MROH2A: variants seen among roughly 807,000 people sequenced by gnomAD.
MROH2A encodes the protein maestro heat like repeat family member 2A.
Under a neutral mutation model 200.4 loss-of-function variants are expected in MROH2A, and 174 were observed. The observed-to-expected ratio is 0.87, with a 90% CI of 0.77 to 0.98. The LOEUF (loss-of-function observed/expected upper bound fraction) is 0.98, where lower values mean the gene tolerates loss of function less well. Among genes scored for constraint, MROH2A ranks in the 50% least tolerant of loss-of-function variants. The probability of loss-of-function intolerance (pLI) is 0.00; values close to 1 mark genes in which losing one functional copy is unlikely to be tolerated. For synonymous variants in MROH2A, 829 were observed against 840.4 expected (o/e 0.99, Z 0.23); for missense variants, 2,045 against 2,139.6 (o/e 0.96, Z 0.87).
chr2:233,809,383 G>C, intron 22 of MROH2A, 105 bp downstream of exon 22: 1 of 1,293,532 alleles, frequency 7.7e-7, no homozygotes, highest in East Asian at 2.6e-5. Flanking sequence ...GGGACATCCA[G>C]GCATCTTACC....
intron 3 of MROH2A, among the ~76,000 whole-genome samples, chr2:233,782,801 G>T (rs1039478072): frequency 2.0e-5 from 3 of 152,112 alleles, no homozygotes; most frequent in Non-Finnish European, 4.4e-5. Flanking sequence ...CAGATTTTAG[G>T]AACAAGGCTT....
chr2:233,813,774 T>A lies in MROH2A; in HGVS notation c.2756T>A (p.Ile919Asn). 6.5e-7 allele frequency: 1 copy of A among 1,528,284 alleles called. No homozygotes were observed. The highest frequency in any genetic ancestry group is 8.9e-7 in the Non-Finnish European group (1 of 1,126,870). 94.7% of individuals were successfully genotyped at this position (1,528,284 alleles called of 1,614,324 possible). Residue 919 changes from isoleucine to asparagine, a missense_variant, in exon 25 of 42, where the codon ATT becomes AAT. This residue lies in a region of MROH2A where 1,201 missense variants were observed against 1,311.3 expected (regional missense o/e 0.92). Transcript: ENST00000389758. ...LQLPGEDNESIKTLYANALSS... is the reference protein window; with the variant it reads ...LQLPGEDNESNKTLYANALSS... ...CTCCCAGGAGAGGACAATGAGTCCA[T>A]TAAGGTAGGTCCCTCTGGGATGCCT...
intron 26 of MROH2A, among the ~76,000 whole-genome samples, chr2:233,815,758 G>A (rs532034429): frequency 2.2e-4 from 33 of 149,940 alleles, no homozygotes; most frequent in Non-Finnish European, 4.6e-4. Flanking sequence ...TTTGCCTATG[G>A]TACACCAATA....
At chr2:233,801,788 C>T (rs1447097476) in intron 14 of MROH2A, among the ~76,000 whole-genome samples, 3 of 152,178 alleles carry the variant, frequency 2.0e-5, no homozygotes, top group Non-Finnish European at 4.4e-5. Context: ...CAAAACTGAC[C>T]GTCATACCAG....
chr2:233,809,392 C>A (rs1703009134), intron 22 of MROH2A, 114 bp downstream of exon 22: 18 of 1,171,340 alleles, frequency 1.5e-5, no homozygotes, highest in Non-Finnish European at 2.2e-5. Context: ...AGGCATCTTA[C>A]CTGATGCCCA....
chr2:233,794,542 G>A, intron 8 of MROH2A, 36 bp downstream of exon 8: 1 of 1,200,646 alleles, frequency 8.3e-7, no homozygotes, highest in Non-Finnish European at 1.2e-6. Flanking sequence ...TGGGCAGGAG[G>A]CTTAGGGAAT....
chr2:233,795,333 C>T (rs970535350), intron 8 of MROH2A, among the ~76,000 whole-genome samples: 2 of 152,130 alleles, frequency 1.3e-5, no homozygotes, highest in African/African-American at 4.8e-5. Flanking sequence ...AGGGATGTGA[C>T]TGATTTAGGA....
intron 18 of MROH2A, 113 bp downstream of exon 18, chr2:233,804,660 G>C (rs774344693): frequency 8.7e-5 from 80 of 922,944 alleles, no homozygotes; most frequent in Middle Eastern, 4.6e-4. Flanking sequence ...TAAAGGACAT[G>C]TTCTCCTTCT....
intron 33 of MROH2A, 62 bp from the exon 34 acceptor site, chr2:233,822,819 A>G: frequency 6.5e-7 from 1 of 1,532,022 alleles, no homozygotes; most frequent in Non-Finnish European, 8.8e-7. Context: ...AGATTGCAGC[A>G]GCCTCCCCAG....
At chr2:233,826,079 C>T (rs1287483652) in intron 35 of MROH2A, among the ~76,000 whole-genome samples, 1 of 152,038 alleles carries the variant, frequency 6.6e-6, no homozygotes, top group Admixed American at 6.6e-5. Context: ...CATGTGCCAC[C>T]ACACCCAGCT....
In MROH2A at chr2:233,799,782, G is replaced by A. The variant is rs13013882; in HGVS notation, c.1332G>A (p.Val444=). 1,203,360 of 1,549,982 alleles carry A rather than the reference G, an allele frequency of 0.78. 474,703 individuals are homozygous for A. The highest frequency in any genetic ancestry group is 0.81 in the Non-Finnish European group (933,156 of 1,146,842). ...KNTISDTRSK[V]RMAILHIIGQ... is the part of the protein sequence containing the mutation. ...TGTCCACGGTCCTGTCCCCTCAGGT[G>A]AGGATGGCTATTCTCCACATCATTG... is the stretch of plus-strand genomic sequence containing the variant. The change falls in exon 13 of 42, where the codon GTG becomes GTA. Residue 444 remains valine, a splice_region_variant and synonymous_variant. Transcript: ENST00000389758.
rs1345568085 is a variant in MROH2A at position 233,798,826 on chromosome 2, C to G, written c.1305C>G (p.Asn435Lys). Reference protein sequence around the residue: ...AIYLAIRVVKNTISDTRSKVR... With the variant: ...AIYLAIRVVKKTISDTRSKVR... ...ACCTGGCTATCCGGGTAGTCAAGAACACCATCTCTGATACCCGGTCCAAGG... is the reference window on the plus strand; with the variant it reads ...ACCTGGCTATCCGGGTAGTCAAGAAGACCATCTCTGATACCCGGTCCAAGG... Residue 435 changes from asparagine (N) to lysine (K), a missense_variant, in exon 12 of 42, where the codon AAC (asparagine) becomes AAG (lysine). Physicochemically the swap from Asn to Lys is moderately conservative, Grantham distance 94. Around this residue, in one of 3 missense-constraint regions of MROH2A, gnomAD observed 831 missense variants for 800.0 expected, o/e 1.04. Transcript: ENST00000389758. 7 of 1,550,334 alleles carry G rather than the reference C, an allele frequency of 4.5e-6. No homozygotes were observed. The Admixed American group carries it at 9.8e-5, about 22-fold the overall frequency.
In MROH2A at chr2:233,794,400, T is replaced by G; in HGVS notation, c.860T>G (p.Leu287Arg). The G allele has an allele frequency of 6.5e-7, 1 of 1,550,248 alleles. No homozygotes were observed. The highest frequency in any genetic ancestry group is 8.7e-7 in the Non-Finnish European group (1 of 1,146,862). The change falls in exon 8 of 42, where the codon CTC (leucine) becomes CGC (arginine). Residue 287 changes from leucine to arginine, a missense_variant. This residue lies in a region of MROH2A where 831 missense variants were observed against 800.0 expected (regional missense o/e 1.04). Coordinates refer to ENST00000389758, the MANE Select transcript of MROH2A (RefSeq NM_001394639.1). The stretch of plus-strand genomic sequence containing the variant: ...GTGATCAAGTCCCTGAAGCCCATGC[T>G]CGGCCTCCTTCTGCCCAACGATGAC... ...LGVIKSLKPM[L>R]GLLLPNDDLR...
chr2:233,802,554 C>T (rs4456702), intron 15 of MROH2A: 9,906 of 441,744 alleles, frequency 0.022, 197 homozygotes, highest in Admixed American at 0.069. Context: ...TCCTGTCCCC[C>T]CAGCCCACAG....
In MROH2A at chr2:233,819,386, G is replaced by A. The variant is rs570247775; in HGVS notation, c.3274G>A (p.Ala1092Thr). ...LIQKLCENTG[A>T]MNLQHDKASV... is the part of the protein sequence containing the mutation. ...CCAGAAGCTCTGCGAGAACACTGGG[G>A]CCATGAACCTGCAGCATGACAAGGC... Residue 1092 changes from alanine to threonine, a missense_variant, in exon 30 of 42, where the codon GCC becomes ACC. Ala to Thr is a moderately conservative substitution (Grantham distance 58). Coordinates refer to ENST00000389758, the MANE Select transcript of MROH2A (RefSeq NM_001394639.1). 2.8e-5 allele frequency: 43 copies of A among 1,550,598 alleles called. No homozygotes were observed. In the African/African-American group the frequency reaches 5.1e-4, roughly 18 times the overall value.
At chr2:233,812,277 C>A (rs532175705) in intron 24 of MROH2A, among the ~76,000 whole-genome samples, 10 of 152,336 alleles carry the variant, frequency 6.6e-5, no homozygotes, top group African/African-American at 2.4e-4. Context: ...GCATTGCAAG[C>A]ATCCTTCAAG....
rs757588872 is a variant in MROH2A, at chr2:233,807,805, G to A, written c.2245G>A (p.Glu749Lys). The A allele has an allele frequency of 7.7e-6, 12 of 1,550,788 alleles. No individual in the cohort carries two copies. Among genetic ancestry groups the A allele is most frequent in the South Asian group, 7.1e-5 (6 of 84,066 alleles). Residue 749 changes from glutamate (E) to lysine (K), a missense_variant, in exon 21 of 42, where the codon GAG (glutamate) becomes AAG (lysine). Physicochemically the swap from Glu to Lys is moderately conservative, Grantham distance 56. This residue lies in a region of MROH2A where 1,201 missense variants were observed against 1,311.3 expected (regional missense o/e 0.92). Coordinates refer to ENST00000389758, the MANE Select transcript of MROH2A (RefSeq NM_001394639.1). This position sits in a 1 kb window ranked among gnomAD's most constrained non-coding sequence, Gnocchi z 4.3. ...GGTGCTGAATGTGCTTCATGACTTC[G>A]AGGAGAGGATCCAGGAGTCAGAGCA... ...KTVLNVLHDF[E>K]ERIQESEQSW...
At chr2:233,819,195 G>A in intron 29 of MROH2A, 122 bp from the exon 30 acceptor site, 2 of 1,034,750 alleles carry the variant, frequency 1.9e-6, no homozygotes, top group Non-Finnish European at 2.8e-6. Flanking sequence ...GGAGGCCATG[G>A]CCATGGTCTG....
At chr2:233,805,353 A>C (rs1253932478) in intron 19 of MROH2A, among the ~76,000 whole-genome samples, 1 of 152,242 alleles carries the variant, frequency 6.6e-6, no homozygotes, top group Admixed American at 6.5e-5. Flanking sequence ...CTTTGTAAAC[A>C]CAAAACTATA....
Sources: allele counts gnomAD v4.1 joint callset (sites outside exome capture counted in the v4.1 genomes callset), GRCh38; gene constraint gnomAD v4.1.1; regional missense constraint gnomAD v4.1.1; non-coding constraint Gnocchi (gnomAD v3.1); transcripts MANE v1.5; gene names NCBI Gene and HGNC (gene_info 2026-07-23, HGNC 2026-07-21).